The following YIPF3 variants were observed in gnomAD, a reference collection of about 807,000 sequenced individuals.
YIPF3 encodes Yip1 domain family member 3.
A neutral mutation model predicts 40.3 loss-of-function variants in YIPF3; 18 were observed. The ratio of observed to expected loss-of-function variants is 0.45; its 90% confidence interval spans 0.31 to 0.66. YIPF3 has a LOEUF of 0.66. Among genes scored for constraint, YIPF3 ranks in the 30% least tolerant of loss-of-function variants. The pLI is 0.07. For synonymous variants in YIPF3, 190 were observed against 179.6 expected (o/e 1.06, Z -0.46); for missense variants, 406 against 452.2 (o/e 0.90, Z 0.93).
chr6:43,515,173 T>C, intron 3 of YIPF3: 2 of 405,422 alleles, frequency 4.9e-6, no homozygotes, highest in South Asian at 1.8e-5. Flanking sequence ...TTTGCATTTT[T>C]AGTAGAGACA....
intron 4 of YIPF3, 34 bp downstream of exon 4, chr6:43,513,554 C>T: frequency 1.3e-6 from 2 of 1,595,554 alleles, no homozygotes; most frequent in Non-Finnish European, 1.7e-6. Flanking sequence ...CTGGTGCTTC[C>T]CCCGGCTCTC....
At position 43,515,947 on chromosome 6, in the gene YIPF3, C is replaced by T. The variant is rs749858818; in HGVS notation, c.230G>A (p.Gly77Glu). 5 of 1,613,796 alleles carry T rather than the reference C, an allele frequency of 3.1e-6. No homozygotes were observed. In the South Asian group the frequency reaches 5.5e-5, roughly 18 times the overall value. ...ADAAAAEEED[G>E]EFLGMKGFKG... is the part of the protein sequence containing the mutation. ...AAAGCCCTTCATGCCCAGGAACTCTCCATCCTCCTCTTCAGCAGCAGCTGC... is the reference window on the plus strand; with the variant it reads ...AAAGCCCTTCATGCCCAGGAACTCTTCATCCTCCTCTTCAGCAGCAGCTGC... Residue 77 changes from glycine to glutamate, a missense_variant, in exon 2 of 9, where the codon GGA becomes GAA. Gly to Glu is a moderately conservative substitution (Grantham distance 98). Coordinates refer to ENST00000372422, the MANE Select transcript of YIPF3 (RefSeq NM_015388.4).
intron 5 of YIPF3, 40 bp from the exon 6 acceptor site, chr6:43,513,240 G>A: frequency 6.2e-7 from 1 of 1,613,682 alleles, no homozygotes; most frequent in Non-Finnish European, 8.5e-7. Flanking sequence ...GGAGGCCTCT[G>A]ATCTCAGCCT....
intron 3 of YIPF3, chr6:43,515,234 C>T (rs930063572): frequency 2.6e-5 from 12 of 459,416 alleles, no homozygotes; most frequent in Non-Finnish European, 3.5e-5. Context: ...CCTTGTGATC[C>T]GCCCGCCTCG....
At chr6:43,516,330 T>G in intron 1 of YIPF3, 1 of 971,370 alleles carries the variant, frequency 1.0e-6, no homozygotes, top group East Asian at 2.7e-5. Flanking sequence ...CTTTCTCCTA[T>G]GTTACCTATC....
At position 43,516,286 on chromosome 6, in the gene YIPF3, T is replaced by C. The variant is rs573093459; in HGVS notation, c.82-191A>G. On this transcript the variant is annotated intron_variant, in intron 1 of 8. Coordinates refer to ENST00000372422, the MANE Select transcript of YIPF3 (RefSeq NM_015388.4). ...GGTTTCTAGCTTTGGCTATCTTTTC[T>C]AGCCTGGGAAACCTACTAGTCTTCC... The C allele has an allele frequency of 8.1e-5, 106 of 1,309,368 alleles. 1 individual carries two copies. The South Asian group carries it at 1.5e-3, about 19-fold the overall frequency. The allele number at this position is 1,309,368 out of a possible 1,614,324, so 81.1% of individuals were successfully genotyped here.
rs749591072 is a variant in YIPF3 at position 43,512,181 on chromosome 6, G to C, written c.1039C>G (p.Leu347Val). ...NATAKAVAVT[L>V]QSH is the part of the protein sequence containing the mutation. ...TTCAGGTGGGGTCAGTGTGACTGCA[G>C]GGTCACCGCAACAGCTTTGGCTGTG... is the stretch of plus-strand genomic sequence containing the variant. Residue 347 changes from leucine to valine, a missense_variant, in exon 9 of 9, where the codon CTG (leucine) becomes GTG (valine). Physicochemically the swap from Leu to Val is conservative, Grantham distance 32. Coordinates refer to ENST00000372422, the MANE Select transcript of YIPF3 (RefSeq NM_015388.4). The C allele has an allele frequency of 5.0e-6, 8 of 1,614,106 alleles. No individual in the cohort carries two copies. In the South Asian group the frequency reaches 7.7e-5, roughly 16 times the overall value.
Position 43,513,116 on chromosome 6 carries a change from A to G in YIPF3, c.619T>C (p.Tyr207His), listed in dbSNP as rs767213628. The G allele has an allele frequency of 3.1e-6, 5 of 1,614,186 alleles. No individual in the cohort carries two copies. Among genetic ancestry groups the G allele is most frequent in the Non-Finnish European group, 4.2e-6 (5 of 1,180,044 alleles). ...ATGGTGATCTGGGCGTTGCACAGGT[A>G]GGCAAGGAAGTAAATGAAGGATGAG... ...GVSSFIYFLA[Y>H]LCNAQITMLQ... The change falls in exon 6 of 9, where the codon TAC (tyrosine) becomes CAC (histidine). Residue 207 changes from tyrosine to histidine, a missense_variant. Tyr to His is a moderately conservative substitution (Grantham distance 83). Transcript: ENST00000372422.
Position 43,512,809 on chromosome 6 carries a change from G to T in YIPF3, c.732C>A (p.Leu244=). The change falls in exon 7 of 9, where the codon CTC becomes CTA. Residue 244 remains leucine, a synonymous_variant. Transcript: ENST00000372422. ...CCACCAACAGCCAGAAGAGGTAGAA[G>T]AGGGCGTGGAGGTGGATATTATAGG... ...FITYNIHLHA[L]FYLFWLLVGG... 1.2e-6 allele frequency: 2 copies of T among 1,614,086 alleles called. No individual in the cohort carries two copies. The highest frequency in any genetic ancestry group is 1.7e-6 in the Non-Finnish European group (2 of 1,180,034).
At position 43,513,466 on chromosome 6, in the gene YIPF3, A is replaced by G. The variant is rs749510897; in HGVS notation, c.442-15T>C. Reference sequence around the variant, plus strand: ...CCTGCAATTTTCTGTCAATATACCAATTCATTCAGGCTGGAGGGTACAACA... The same window carrying G: ...CCTGCAATTTTCTGTCAATATACCAGTTCATTCAGGCTGGAGGGTACAACA... On this transcript the variant is annotated splice_polypyrimidine_tract_variant and intron_variant, in intron 4 of 8. Coordinates refer to ENST00000372422, the MANE Select transcript of YIPF3 (RefSeq NM_015388.4). The G allele has an allele frequency of 1.7e-5, 28 of 1,614,048 alleles. No individual in the cohort carries two copies. Among genetic ancestry groups the G allele is most frequent in the Non-Finnish European group, 2.3e-5 (27 of 1,179,944 alleles).
intron 3 of YIPF3, among the ~76,000 whole-genome samples, chr6:43,514,625 A>G (rs1280469305): frequency 6.6e-6 from 1 of 152,170 alleles, no homozygotes; most frequent in Non-Finnish European, 1.5e-5. Context: ...TAGAATGAGT[A>G]CTGTACTGTA....
rs754331996 is a variant in YIPF3 at position 43,514,739 on chromosome 6, G to A, written c.395+856C>T. Among the ~76,000 whole-genome samples the A allele has an allele frequency of 1.7e-4, 26 of 152,162 alleles. 1 individual carries two copies. Among genetic ancestry groups the A allele is most frequent in the Admixed American group, 5.2e-4 (8 of 15,290 alleles). ...AATGCTTAATAAATACCTGCTGAGT[G>A]GTCCTGGGTATTTGATTAGCATTGA... On this transcript the variant is annotated intron_variant, in intron 3 of 8. Transcript: ENST00000372422.
In YIPF3 at chr6:43,516,274, G is replaced by A; in HGVS notation, c.82-179C>T. The A allele has an allele frequency of 8.7e-6, 12 of 1,381,944 alleles. No individual in the cohort carries two copies. In the South Asian group the frequency reaches 1.9e-4, roughly 21 times the overall value. The allele number at this position is 1,381,944 out of a possible 1,614,324, so 85.6% of individuals were successfully genotyped here. A position where few individuals can be genotyped will look rare whatever the true frequency, so the allele number is the denominator to read the frequency against. On this transcript the variant is annotated intron_variant, in intron 1 of 8. Coordinates refer to ENST00000372422, the MANE Select transcript of YIPF3 (RefSeq NM_015388.4). The stretch of plus-strand genomic sequence containing the variant: ...CTCAGAACGCCTGGTTTCTAGCTTT[G>A]GCTATCTTTTCTAGCCTGGGAAACC...
At position 43,513,606 on chromosome 6, in the gene YIPF3, C is replaced by T. The variant is rs1336508859; in HGVS notation, c.423G>A (p.Lys141=). Residue 141 remains lysine, a synonymous_variant, in exon 4 of 9, where the codon AAG becomes AAA. Coordinates refer to ENST00000372422, the MANE Select transcript of YIPF3 (RefSeq NM_015388.4). ...TATTCACCTGGGGGAAGTTGACCAT[C>T]TTGATAGGGATCATGGACTCCAGGA... ...SRLLESMIPI[K]MVNFPQKIAG... The T allele has an allele frequency of 1.6e-5, 25 of 1,578,774 alleles. No individual in the cohort carries two copies. The highest frequency in any genetic ancestry group is 1.9e-5 in the Non-Finnish European group (22 of 1,161,928).
intron 4 of YIPF3, 49 bp downstream of exon 4, chr6:43,513,539 C>G (rs1314756273): frequency 1.2e-6 from 2 of 1,605,300 alleles, no homozygotes; most frequent in South Asian, 1.1e-5. Flanking sequence ...GTCCCACCCT[C>G]TGCCCTGGTG....
In YIPF3 at chr6:43,512,369, A is replaced by G. The variant is rs896483811; in HGVS notation, c.905-54T>C. The G allele has an allele frequency of 4.3e-6, 7 of 1,613,860 alleles. No individual in the cohort carries two copies. In the Admixed American group the frequency reaches 5.0e-5, roughly 12 times the overall value. ...ATCAGATGGGCCCAGCCCACCAGCC[A>G]TCATATCTAGCTTCTTGCTCTAGGC... On this transcript the variant is annotated intron_variant, in intron 8 of 8. Coordinates refer to ENST00000372422, the MANE Select transcript of YIPF3 (RefSeq NM_015388.4).
intron 4 of YIPF3, 60 bp downstream of exon 4, chr6:43,513,528 G>C (rs1332062687): frequency 4.4e-6 from 7 of 1,608,290 alleles, no homozygotes; most frequent in Non-Finnish European, 6.0e-6. Context: ...TTTGCCTGGT[G>C]GTCCCACCCT....
At chr6:43,513,338 A>G (rs754401371) in intron 5 of YIPF3, 21 bp downstream of exon 5, 3 of 1,613,882 alleles carry the variant, frequency 1.9e-6, no homozygotes, top group South Asian at 2.2e-5. Context: ...CCACCCCCCC[A>G]AAGTTGTCTG....
Position 43,511,915 on chromosome 6 carries a change from G to T in YIPF3, c.*252C>A. 1 of 523,858 alleles carries T rather than the reference G, an allele frequency of 1.9e-6. No individual in the cohort carries two copies. The highest frequency in any genetic ancestry group is 3.3e-6 in the Non-Finnish European group (1 of 298,528). The allele number at this position is 523,858 out of a possible 1,614,324, so 32.5% of individuals were successfully genotyped here. ...AGAGATAAAGAGGAAGGAAGGGGTA[G>T]GTGGGGAGGGGTTCTCAAAGGAGCT... On this transcript the variant is annotated 3_prime_UTR_variant, in exon 9 of 9. Coordinates refer to ENST00000372422, the MANE Select transcript of YIPF3 (RefSeq NM_015388.4).
Sources: allele counts gnomAD v4.1 joint callset (sites outside exome capture counted in the v4.1 genomes callset), GRCh38; gene constraint gnomAD v4.1.1; transcripts MANE v1.5; gene names NCBI Gene and HGNC (gene_info 2026-07-23, HGNC 2026-07-21).